Variants in MAD1L1 observed in about 807,000 individuals in gnomAD.
The protein encoded by MAD1L1 is mitotic spindle assembly checkpoint protein MAD1.
In MAD1L1, 95 loss-of-function variants were observed where a neutral mutation model predicts 96.9. The observed-to-expected ratio is 0.98, with a 90% confidence interval of 0.83 to 1.16. The LOEUF (loss-of-function observed/expected upper bound fraction) is 1.16. Ranked by LOEUF, MAD1L1 falls within the 50% of genes most tolerant of loss-of-function variation. The probability of loss-of-function intolerance (pLI) is 0.00; values close to 1 mark genes in which losing one functional copy is unlikely to be tolerated. For synonymous variants in MAD1L1, 473 were observed against 396.6 expected, an observed-to-expected ratio of 1.19 and a Z score of -2.29; for missense variants, 1,007 against 954.4, an observed-to-expected ratio of 1.06 and a Z score of -0.73.
At chr7:1,818,878 G>A (rs1271310868) in intron 18 of MAD1L1, among the ~76,000 whole-genome samples, 1 of 151,236 alleles carries the variant, frequency 6.6e-6, no homozygotes, top group African/African-American at 2.4e-5. Flanking sequence ...GGGGTGGACG[G>A]AGACAGGCAG....
chr7:2,232,680 G>A (rs1794265709), intron 1 of MAD1L1, among the ~76,000 whole-genome samples, 192 bp downstream of exon 1: 1 of 152,188 alleles, frequency 6.6e-6, no homozygotes, highest in South Asian at 2.1e-4. Context: ...GTGGGGAGAG[G>A]AGGGGAGAGC....
At chr7:2,130,619 A>G (rs1009413968) in intron 11 of MAD1L1, among the ~76,000 whole-genome samples, 17 of 148,312 alleles carry the variant, frequency 1.1e-4, no homozygotes, top group African/African-American at 4.2e-4. Context: ...GGACCCTCTC[A>G]GTTTATTATG....
intron 12 of MAD1L1, among the ~76,000 whole-genome samples, chr7:2,046,035 G>T (rs955265561): frequency 6.6e-6 from 1 of 152,188 alleles, no homozygotes; most frequent in African/African-American, 2.4e-5. Context: ...TCCTGGGGAA[G>T]ACCAGCTGAG....
chr7:1,889,070 G>A (rs1307388046), intron 18 of MAD1L1, among the ~76,000 whole-genome samples: 3 of 152,212 alleles, frequency 2.0e-5, no homozygotes, highest in Non-Finnish European at 2.9e-5. Flanking sequence ...CCTGGCACTT[G>A]CATACATACT....
In MAD1L1 at chr7:2,002,052, G is replaced by C. The variant is rs370136955; in HGVS notation, c.1416+13C>G. The C allele has an allele frequency of 1.9e-6, 3 of 1,612,866 alleles. No individual in the cohort carries two copies. The African/African-American group carries it at 4.0e-5, about 22-fold the overall frequency. ...GGTGCCCTGAATCCCAGCCACTCCC[G>C]CGTCTGACTCACCATGTCTGCTCTT... On this transcript the variant is annotated intron_variant, in intron 14 of 18. Coordinates refer to ENST00000265854, the MANE Select transcript of MAD1L1 (RefSeq NM_001013836.2).
intron 18 of MAD1L1, among the ~76,000 whole-genome samples, chr7:1,850,299 A>G (rs933474494): frequency 2.6e-5 from 4 of 152,126 alleles, no homozygotes; most frequent in African/African-American, 9.7e-5. Flanking sequence ...CCATCGCTAG[A>G]CATCCTTTCC....
At chr7:2,209,857 G>C (rs1293467424) in intron 10 of MAD1L1, 1 of 152,404 alleles carries the variant, frequency 6.6e-6, no homozygotes, top group African/African-American at 2.4e-5. Context: ...GGATCCCCAA[G>C]CTCGCCCACA....
intron 11 of MAD1L1, among the ~76,000 whole-genome samples, chr7:2,132,158 G>A (rs1788538694): frequency 6.6e-6 from 1 of 152,190 alleles, no homozygotes; most frequent in South Asian, 2.1e-4. Flanking sequence ...TAAATTTACA[G>A]ATATTCTTTT....
At chr7:1,879,240 GA>G (rs1785546489) in intron 18 of MAD1L1, among the ~76,000 whole-genome samples, 1 of 152,110 alleles carries the variant, frequency 6.6e-6, no homozygotes, top group Non-Finnish European at 1.5e-5. Flanking sequence ...TGGATTGCCT[GA>G]AGTCAGGAGT....
intron 10 of MAD1L1, among the ~76,000 whole-genome samples, chr7:2,162,726 AC>A (rs1248058495): frequency 3.6e-4 from 53 of 148,634 alleles, no homozygotes; most frequent in Admixed American, 8.0e-4. Flanking sequence ...AAAAAAAAAA[AC>A]GTAATGGATC....
At chr7:1,870,945 G>A (rs1785046349) in intron 18 of MAD1L1, among the ~76,000 whole-genome samples, 1 of 146,148 alleles carries the variant, frequency 6.8e-6, no homozygotes, top group African/African-American at 2.6e-5. Flanking sequence ...CTGCCATGCT[G>A]AACCCACCGT....
intron 3 of MAD1L1, among the ~76,000 whole-genome samples, chr7:2,228,440 A>G (rs529904950): frequency 1.3e-5 from 2 of 152,036 alleles, no homozygotes; most frequent in South Asian, 2.1e-4. Context: ...TTTAGTAGAG[A>G]TGAGGTCTTA....
chr7:1,936,757 C>T lies in MAD1L1; in HGVS notation c.1737G>A (p.Glu579=). The change falls in exon 17 of 19, where the codon GAG becomes GAA. Residue 579 remains glutamate, a synonymous_variant. Transcript: ENST00000265854. The stretch of plus-strand genomic sequence containing the variant: ...GGTCGGCTGGGACGGTGCCTCCTCT[C>T]TCCATGGCGCGCAGGAGCCCGCGCA... ...ERLRGLLRAM[E]RGGTVPADLE... 1 of 1,570,256 alleles carries T rather than the reference C, an allele frequency of 6.4e-7. No homozygotes were observed. The highest frequency in any genetic ancestry group is 8.6e-7 in the Non-Finnish European group (1 of 1,159,022).
intron 18 of MAD1L1, chr7:1,847,265 T>G (rs1385938765): frequency 2.1e-6 from 1 of 470,892 alleles, no homozygotes; most frequent in African/African-American, 2.0e-5. Context: ...TGGTTTTCTT[T>G]CGGGACACAA....
At chr7:1,987,493 G>T (rs572258675) in intron 14 of MAD1L1, among the ~76,000 whole-genome samples, 1 of 152,170 alleles carries the variant, frequency 6.6e-6, no homozygotes, top group African/African-American at 2.4e-5. Flanking sequence ...CACAAGCCCC[G>T]GAGTCTGCTC....
At chr7:1,821,096 G>GT (rs1285435375) in intron 18 of MAD1L1, among the ~76,000 whole-genome samples, 1 of 147,698 alleles carries the variant, frequency 6.8e-6, no homozygotes, top group Non-Finnish European at 1.5e-5. Context: ...AAAAAAAAGG[G>GT]GGGGGGGAGA....
Position 2,230,068 on chromosome 7 carries a change from A to C in MAD1L1, c.66T>G (p.Ser22=). The C allele has an allele frequency of 6.2e-7, 1 of 1,613,130 alleles. No homozygotes were observed. Among genetic ancestry groups the C allele is most frequent in the South Asian group, 1.1e-5 (1 of 90,790 alleles). ...GTCCAGAGCCTCCCTCCACACGCTGAGAGATGAAGTTGTTCAAAGATCTCA... is the reference window on the plus strand; with the variant it reads ...GTCCAGAGCCTCCCTCCACACGCTGCGAGATGAAGTTGTTCAAAGATCTCA... ...STLRSLNNFI[S]QRVEGGSGLD... Residue 22 remains serine (S), a synonymous_variant, in exon 3 of 19, where the codon TCT becomes TCG. Transcript: ENST00000265854.
chr7:2,155,295 G>A (rs1312154060), intron 10 of MAD1L1, among the ~76,000 whole-genome samples: 1 of 152,208 alleles, frequency 6.6e-6, no homozygotes, highest in African/African-American at 2.4e-5. Flanking sequence ...GTGTTGGGAT[G>A]TTTTTAATTG....
intron 18 of MAD1L1, among the ~76,000 whole-genome samples, chr7:1,886,531 C>T (rs1562490005): frequency 6.6e-6 from 1 of 152,246 alleles, no homozygotes; most frequent in Non-Finnish European, 1.5e-5. Context: ...AGTGGGAGAG[C>T]ACGGTGGCAC....
Sources: gnomAD v4.1 joint callset for allele counts (sites outside exome capture counted in the v4.1 genomes callset) on GRCh38, gnomAD v4.1.1 for gene constraint, MANE v1.5 for transcripts, NCBI Gene and HGNC (gene_info 2026-07-23, HGNC 2026-07-21) for gene names.